Variants in IFT74 observed in about 807,000 individuals in gnomAD.
IFT74 encodes intraflagellar transport 74.
Under a neutral mutation model 96.7 loss-of-function variants are expected in IFT74, and 92 were observed. The observed-to-expected ratio is 0.95, with a 90% CI of 0.80 to 1.13. IFT74 has a LOEUF of 1.13. Among genes scored for constraint, IFT74 ranks in the 50% most tolerant of loss-of-function variants. IFT74 has a pLI of 0.00. For synonymous variants in IFT74, 223 were observed against 213.2 expected (o/e 1.05, Z -0.40); for missense variants, 811 against 698.2 (o/e 1.16, Z -1.82).
Position 26,959,355 on chromosome 9 carries a change from C to T in IFT74, c.-19-2594C>T, listed in dbSNP as rs970013901. On this transcript the variant is annotated intron_variant, in intron 1 of 19. Transcript: ENST00000380062. The stretch of plus-strand genomic sequence containing the variant: ...CGATCTCCTGACTTCGTGATCCGCC[C>T]GCCTCGGCCTCCCAAAGTGCTGGGA... Among the ~76,000 whole-genome samples, 9 of 152,212 alleles carry T rather than the reference C, an allele frequency of 5.9e-5. No individual in the cohort carries two copies. The East Asian group carries it at 1.2e-3, about 20-fold the overall frequency.
At chr9:27,012,542 A>G (rs1354609947) in intron 10 of IFT74, among the ~76,000 whole-genome samples, 1 of 152,034 alleles carries the variant, frequency 6.6e-6, no homozygotes, top group Non-Finnish European at 1.5e-5. Flanking sequence ...AAAGACACAT[A>G]CACAAGAGAT....
chr9:27,041,743 T>A (rs1209941916), intron 13 of IFT74, among the ~76,000 whole-genome samples: 2 of 152,164 alleles, frequency 1.3e-5, no homozygotes, highest in African/African-American at 4.8e-5. Context: ...TTACCCTACC[T>A]TAGGACTGCC....
At chr9:27,027,948 A>G (rs1040039709) in intron 12 of IFT74, among the ~76,000 whole-genome samples, 2 of 152,332 alleles carry the variant, frequency 1.3e-5, no homozygotes, top group Non-Finnish European at 2.9e-5. Context: ...TAGTTCTTAC[A>G]TTGAGATCTT....
chr9:27,034,711 G>GGTTTC (rs1299250911), intron 13 of IFT74, among the ~76,000 whole-genome samples: 20 of 152,132 alleles, frequency 1.3e-4, no homozygotes, highest in Admixed American at 7.2e-4. Context: ...TGTATTTTTA[G>GGTTTC]TAGAGATGGG....
At chr9:26,953,275 T>C (rs903115353), upstream of IFT74, among the ~76,000 whole-genome samples, 3 of 152,208 alleles carry the variant, frequency 2.0e-5, no homozygotes, top group Admixed American at 2.0e-4. Flanking sequence ...GCAATATCAG[T>C]ATACAAGGAG....
chr9:27,014,880 T>G (rs1017783570), intron 10 of IFT74, among the ~76,000 whole-genome samples: 1 of 152,246 alleles, frequency 6.6e-6, no homozygotes, highest in Non-Finnish European at 1.5e-5. Context: ...GTGCTGAGAT[T>G]ACAGGCGTGA....
intron 8 of IFT74, among the ~76,000 whole-genome samples, chr9:26,998,595 T>A (rs574241125): frequency 6.6e-6 from 1 of 152,202 alleles, no homozygotes; most frequent in Non-Finnish European, 1.5e-5. Flanking sequence ...AATATTCCAG[T>A]GTGCACAATT....
At chr9:26,978,060 G>C in intron 2 of IFT74, 68 bp from the exon 3 acceptor site, 1 of 1,394,986 alleles carries the variant, frequency 7.2e-7, no homozygotes, top group Non-Finnish European at 9.6e-7. Flanking sequence ...TGTCTTTGCA[G>C]TTTTACAATA....
At chr9:26,959,026 G>A (rs1826238083) in intron 1 of IFT74, among the ~76,000 whole-genome samples, 2 of 152,204 alleles carry the variant, frequency 1.3e-5, no homozygotes, top group Admixed American at 1.3e-4. Context: ...TGAATCAAAC[G>A]GTAGCAATCC....
rs1239756497 is a variant in IFT74 at position 27,009,718 on chromosome 9, T to A, written c.726+560T>A. Among the ~76,000 whole-genome samples, 3 of 152,204 alleles carry A rather than the reference T, an allele frequency of 2.0e-5. No individual in the cohort carries two copies. The East Asian group carries it at 5.8e-4, about 30-fold the overall frequency. On this transcript the variant is annotated intron_variant, in intron 9 of 19. Transcript: ENST00000380062. ...ACCAGATCCATATATATATTTACTT[T>A]CCTTTTCCTTCCTGCTTAATAAACA... is the stretch of plus-strand genomic sequence containing the variant.
chr9:26,948,199 G>A (rs934675969), intron 1 of IFT74, among the ~76,000 whole-genome samples: 1 of 152,004 alleles, frequency 6.6e-6, no homozygotes, highest in Non-Finnish European at 1.5e-5. Context: ...CTCCCTGGGT[G>A]GATTATTTAC....
chr9:27,018,586 T>G, intron 11 of IFT74, 61 bp from the exon 12 acceptor site: 1 of 866,766 alleles, frequency 1.2e-6, no homozygotes, highest in Non-Finnish European at 1.8e-6. Context: ...GAAATTATCT[T>G]TAAGATAGCC....
At chr9:26,996,278 C>A in intron 8 of IFT74, 1 of 1,212,892 alleles carries the variant, frequency 8.2e-7, no homozygotes, top group South Asian at 1.8e-5. Context: ...ATGATACATT[C>A]AGCAGTGTTA....
chr9:27,046,035 A>G (rs915314488), intron 14 of IFT74, among the ~76,000 whole-genome samples: 3 of 152,170 alleles, frequency 2.0e-5, no homozygotes, highest in Non-Finnish European at 4.4e-5. Flanking sequence ...ATACTACAGA[A>G]TCTTAAAATA....
chr9:26,993,372 T>C (rs547304797), intron 8 of IFT74: 6 of 152,360 alleles, frequency 3.9e-5, no homozygotes, highest in Non-Finnish European at 8.8e-5. Context: ...AATTAAGGTT[T>C]AAAACAAAGT....
chr9:26,995,709 C>G (rs761070383), intron 8 of IFT74: 1 of 1,613,828 alleles, frequency 6.2e-7, no homozygotes, highest in Non-Finnish European at 8.5e-7. Flanking sequence ...TCATGCTCTT[C>G]CAGGCGATGA....
At position 27,009,138 on chromosome 9, in the gene IFT74, A is replaced by G. The variant is rs1196483828; in HGVS notation, c.706A>G (p.Thr236Ala). The G allele has an allele frequency of 2.5e-6, 4 of 1,612,716 alleles. No homozygotes were observed. In the African/African-American group the frequency reaches 4.0e-5, roughly 16 times the overall value. The change falls in exon 9 of 20, where the codon ACA becomes GCA. Residue 236 changes from threonine to alanine, a missense_variant. By Grantham distance (58) the Thr-to-Ala change is moderately conservative. Coordinates refer to ENST00000380062, the MANE Select transcript of IFT74 (RefSeq NM_025103.4). ...NQVKYLEMKTTNEKLLQELDT... is the reference protein window; with the variant it reads ...NQVKYLEMKTANEKLLQELDT... ...AGTCAAGTACCTAGAGATGAAAACC[A>G]CAAATGAGAAACTGTTACAGGTAAT...
chr9:27,020,743 G>A (rs1217099129), intron 12 of IFT74, among the ~76,000 whole-genome samples: 1 of 152,070 alleles, frequency 6.6e-6, no homozygotes, highest in Non-Finnish European at 1.5e-5. Context: ...CAAAGTGCTG[G>A]GTTTACAGGC....
chr9:26,971,208 G>T (rs1223704451), intron 2 of IFT74, among the ~76,000 whole-genome samples: 1 of 152,182 alleles, frequency 6.6e-6, no homozygotes, highest in Admixed American at 6.5e-5. Flanking sequence ...CCGATGGGGG[G>T]CATTTTAGTG....
Sources: gnomAD v4.1 joint callset for allele counts (sites outside exome capture counted in the v4.1 genomes callset) on GRCh38, gnomAD v4.1.1 for gene constraint, MANE v1.5 for transcripts, NCBI Gene and HGNC (gene_info 2026-07-23, HGNC 2026-07-21) for gene names.